Variants in ERICH1 observed in about 807,000 individuals in gnomAD.
ERICH1 encodes the protein glutamate rich 1, also known as glutamate-rich protein 1.
ERICH1 carries 56 observed loss-of-function variants against 39.6 expected under a neutral mutation model. The observed-to-expected ratio is 1.41, with a 90% CI of 1.14 to 1.77. The LOEUF is 1.77. Among genes scored for constraint, ERICH1 ranks in the 40% most tolerant of loss-of-function variants. ERICH1 has a pLI of 0.00. For synonymous variants in ERICH1, 313 were observed against 223.6 expected (o/e 1.40, Z -3.57); for missense variants, 826 against 575.4 (o/e 1.44, Z -4.45).
At chr8:618,549 C>T (rs1378625654) in intron 3 of ERICH1, among the ~76,000 whole-genome samples, 2 of 152,226 alleles carry the variant, frequency 1.3e-5, no homozygotes, top group African/African-American at 2.4e-5. Context: ...GAGTGACTGA[C>T]AGAGCCTCCC....
chr8:673,248 G>A (rs1277799780), intron 4 of ERICH1, 41 bp downstream of exon 4: 2 of 1,537,210 alleles, frequency 1.3e-6, no homozygotes, highest in African/African-American at 1.4e-5. Flanking sequence ...AAACTTTTAA[G>A]TGGATGTCAC....
At chr8:729,786 T>A (rs1423368127) in intron 1 of ERICH1, among the ~76,000 whole-genome samples, 1 of 151,186 alleles carries the variant, frequency 6.6e-6, no homozygotes, top group Non-Finnish European at 1.5e-5. Context: ...ACAGCTTTCA[T>A]TCACTTTAAT....
At chr8:645,638 G>T (rs2117270848) in intron 3 of ERICH1, among the ~76,000 whole-genome samples, 1 of 68,104 alleles carries the variant, frequency 1.5e-5, no homozygotes, top group African/African-American at 3.7e-5. Flanking sequence ...TGGTATCAGG[G>T]AGGCGACCGT....
chr8:630,087 CA>C (rs1797895326), intron 3 of ERICH1, among the ~76,000 whole-genome samples: 1 of 125,880 alleles, frequency 7.9e-6, no homozygotes, highest in East Asian at 2.5e-4. Flanking sequence ...AGCACCCACA[CA>C]GACAGAGCTG....
intron 3 of ERICH1, among the ~76,000 whole-genome samples, chr8:628,044 C>T (rs568521020): frequency 8.5e-4 from 130 of 152,310 alleles, no homozygotes; most frequent in African/African-American, 2.9e-3. Context: ...AGCGGCCCCT[C>T]CCTTCCATTC....
At chr8:615,628 A>T (rs1284581510) in intron 3 of ERICH1, 1 of 203,112 alleles carries the variant, frequency 4.9e-6, no homozygotes, top group Non-Finnish European at 9.8e-6. Context: ...GGCGTGTCTG[A>T]CCCTTCACCA....
intron 3 of ERICH1, among the ~76,000 whole-genome samples, chr8:643,293 G>A (rs1228118875): frequency 6.6e-6 from 1 of 152,038 alleles, no homozygotes; most frequent in Non-Finnish European, 1.5e-5. Context: ...GGCGCAGGCT[G>A]TGCTCGCAGG....
intron 3 of ERICH1, among the ~76,000 whole-genome samples, chr8:640,103 G>A (rs1798821396): frequency 1.3e-5 from 2 of 152,146 alleles, no homozygotes; most frequent in Admixed American, 6.5e-5. Flanking sequence ...AAACTCAGGG[G>A]GCTGAAATAC....
chr8:658,574 C>A (rs761222209), intron 3 of ERICH1, among the ~76,000 whole-genome samples: 1 of 152,200 alleles, frequency 6.6e-6, no homozygotes, highest in African/African-American at 2.4e-5. Flanking sequence ...CCGCGGCCCA[C>A]GTCCATGTTG....
intron 1 of ERICH1, among the ~76,000 whole-genome samples, chr8:720,538 G>A (rs1817066685): frequency 1.3e-5 from 2 of 152,170 alleles, no homozygotes; most frequent in Non-Finnish European, 2.9e-5. Context: ...TTTAAATCCC[G>A]AGTTTTCATA....
chr8:642,298 T>C (rs576199699), intron 3 of ERICH1, among the ~76,000 whole-genome samples: 1 of 151,022 alleles, frequency 6.6e-6, no homozygotes, highest in Non-Finnish European at 1.5e-5. Context: ...GGGGAACTGC[T>C]GCAAAGAACA....
At chr8:628,984 C>G (rs1401323865) in intron 3 of ERICH1, among the ~76,000 whole-genome samples, 2 of 152,142 alleles carry the variant, frequency 1.3e-5, no homozygotes, top group Non-Finnish European at 2.9e-5. Flanking sequence ...ACCCACCAAG[C>G]TGGCTTGAAT....
intron 2 of ERICH1, among the ~76,000 whole-genome samples, chr8:698,766 C>T (rs540853383): frequency 4.9e-4 from 75 of 152,288 alleles, no homozygotes; most frequent in Admixed American, 1.8e-3. Context: ...GCGTGAGTCA[C>T]TGTGTTTGGC....
At chr8:706,198 C>T (rs567591585) in intron 2 of ERICH1, among the ~76,000 whole-genome samples, 5 of 152,228 alleles carry the variant, frequency 3.3e-5, no homozygotes, top group African/African-American at 7.2e-5. Flanking sequence ...AATGTATTAC[C>T]GTTGTTAAGT....
chr8:673,485 G>A lies in ERICH1; in HGVS notation c.867C>T (p.Asp289=), dbSNP rs778379374. ...EEDLTRAGEE[D]GKDTREEDGA... ...CGTCCTCCTCCCTGGTGTCTTTACC[G>A]TCTTCCTCCCCGGCCCGTGTCAGGT... is the stretch of plus-strand genomic sequence containing the variant. The change falls in exon 4 of 6, where the codon GAC becomes GAT. Residue 289 remains aspartate, a synonymous_variant. Coordinates refer to ENST00000262109, the MANE Select transcript of ERICH1 (RefSeq NM_207332.3). The A allele has an allele frequency of 2.4e-5, 39 of 1,612,670 alleles. No individual in the cohort carries two copies. Among genetic ancestry groups the A allele is most frequent in the Non-Finnish European group, 2.9e-5 (34 of 1,179,658 alleles).
At chr8:630,130 C>G (rs1397553701) in intron 3 of ERICH1, among the ~76,000 whole-genome samples, 52 of 124,744 alleles carry the variant, frequency 4.2e-4, no homozygotes, top group African/African-American at 1.4e-3. Flanking sequence ...CCCACACAGA[C>G]AGAGCTGACT....
intron 1 of ERICH1, among the ~76,000 whole-genome samples, chr8:729,106 G>A (rs1819441905): frequency 2.6e-5 from 4 of 152,166 alleles, no homozygotes; most frequent in African/African-American, 9.7e-5. Context: ...CTTAGCTCGG[G>A]GAGGGAGGGA....
rs2271263 is a variant in ERICH1, at chr8:668,728, A to G, written c.1128T>C (p.Leu376=). ...CTGAGGGCAGCATGCTGTGTGACGCAAGGCGGTCCAGCAGCTCCTCAGCGG... is the reference window on the plus strand; with the variant it reads ...CTGAGGGCAGCATGCTGTGTGACGCGAGGCGGTCCAGCAGCTCCTCAGCGG... ...ADAAEELLDR[L]ASHSMLPSDV... Residue 376 remains leucine, a synonymous_variant, in exon 5 of 6, where the codon CTT becomes CTC. Transcript: ENST00000262109. 0.88 allele frequency: 1,416,804 copies of G among 1,613,812 alleles called. 622,815 individuals carry two copies. Among genetic ancestry groups the G allele is most frequent in the East Asian group, 0.95 (42,449 of 44,884 alleles).
chr8:677,473 C>T (rs1585222953), intron 3 of ERICH1, among the ~76,000 whole-genome samples: 2 of 152,194 alleles, frequency 1.3e-5, no homozygotes, highest in South Asian at 2.1e-4. Flanking sequence ...TGAGTCTCCT[C>T]GACACCTTCA....
Sources: gnomAD v4.1 joint callset for allele counts (sites outside exome capture counted in the v4.1 genomes callset) on GRCh38, gnomAD v4.1.1 for gene constraint, MANE v1.5 for transcripts, NCBI Gene and HGNC (gene_info 2026-07-23, HGNC 2026-07-21) for gene names.